The following TMEM40 variants were observed in gnomAD, a reference collection of about 807,000 sequenced individuals.
The protein encoded by TMEM40 is transmembrane protein 40.
TMEM40 carries 34 observed loss-of-function variants against 40.8 expected under a neutral mutation model. The ratio of observed to expected loss-of-function variants is 0.83; its 90% CI spans 0.63 to 1.11. The LOEUF is 1.11. TMEM40 is among the 50% of genes least tolerant of loss of function. The pLI is 0.00. For synonymous variants in TMEM40, 106 were observed against 107.0 expected, an observed-to-expected ratio of 0.99 and a Z score of 0.06; for missense variants, 296 against 280.2, an observed-to-expected ratio of 1.06 and a Z score of -0.40.
At chr3:12,741,454 T>C (rs1232326879) in intron 5 of TMEM40, 1 of 152,238 alleles carries the variant, frequency 6.6e-6, no homozygotes, top group East Asian at 1.9e-4. Flanking sequence ...CTCAGCACAC[T>C]GAACACTATA....
At chr3:12,753,281 C>T (rs527917556) in intron 1 of TMEM40, among the ~76,000 whole-genome samples, 256 of 137,504 alleles carry the variant, frequency 1.9e-3, no homozygotes, top group Admixed American at 4.8e-3. Context: ...TGCAGTGGCA[C>T]GATCACGGCT....
chr3:12,759,166 C>A, intron 1 of TMEM40, 25 bp downstream of exon 1: 1 of 152,802 alleles, frequency 6.5e-6, no homozygotes, highest in Non-Finnish European at 1.5e-5. Context: ...CACCCCACTG[C>A]TCACCCAGCC....
chr3:12,768,990 C>T (rs1661914502), intron 1 of TMEM40, among the ~76,000 whole-genome samples: 1 of 151,144 alleles, frequency 6.6e-6, no homozygotes, highest in Admixed American at 6.6e-5. Context: ...GCAAGGCGCA[C>T]TGCAGGTCCT....
intron 4 of TMEM40, 105 bp from the exon 5 acceptor site, chr3:12,742,612 C>G (rs2061392908): frequency 7.3e-7 from 1 of 1,366,504 alleles, no homozygotes; most frequent in South Asian, 1.3e-5. Context: ...AGTCCTTGTG[C>G]TGGAGGTGAG....
In TMEM40 at chr3:12,733,964, G is replaced by T. The variant is rs2061319222; in HGVS notation, c.*810C>A. 6.6e-6 allele frequency: 1 copy of T among 150,538 alleles called. No individual in the cohort carries two copies. The highest frequency in any genetic ancestry group is 6.6e-5 in the Admixed American group (1 of 15,082). 9.3% of individuals were successfully genotyped at this position (150,538 alleles called of 1,614,324 possible). On this transcript the variant is annotated 3_prime_UTR_variant, in exon 12 of 12. Coordinates refer to ENST00000314124, the MANE Select transcript of TMEM40 (RefSeq NM_018306.4). ...CTGTCGCCCAGGCTGGAGTGCAGTG[G>T]CTTGATCGTACCTCACTGCAGCCCT...
intron 4 of TMEM40, 59 bp downstream of exon 4, chr3:12,743,841 C>T (rs552163299): frequency 4.3e-5 from 66 of 1,529,762 alleles, no homozygotes; most frequent in Middle Eastern, 1.7e-4. Flanking sequence ...TTCAGTCCCA[C>T]GGAGAAACTC....
chr3:12,738,501 A>G, intron 6 of TMEM40, 52 bp downstream of exon 6: 1 of 1,601,464 alleles, frequency 6.2e-7, no homozygotes, highest in Non-Finnish European at 8.6e-7. Flanking sequence ...TGATGCCTAG[A>G]CCTGGCTCAA....
At position 12,736,925 on chromosome 3, in the gene TMEM40, G is replaced by A. The variant is rs915704946; in HGVS notation, c.473-90C>T. 13 of 1,515,598 alleles carry A rather than the reference G, an allele frequency of 8.6e-6. No individual in the cohort carries two copies. In the African/African-American group the frequency reaches 1.6e-4, roughly 19 times the overall value. 93.9% of individuals were successfully genotyped at this position (1,515,598 alleles called of 1,614,324 possible). A position where few individuals can be genotyped will look rare whatever the true frequency, so the allele number is the denominator to read the frequency against. The stretch of plus-strand genomic sequence containing the variant: ...ACAAGGTCTTGCTCTGTCACCCAGG[G>A]TGGAGTGCAGTTGTGCGATCCCAGC... On this transcript the variant is annotated intron_variant, in intron 8 of 11. Transcript: ENST00000314124.
At chr3:12,768,171 C>T (rs532480681) in intron 1 of TMEM40, among the ~76,000 whole-genome samples, 45 of 152,094 alleles carry the variant, frequency 3.0e-4, no homozygotes, top group African/African-American at 9.9e-4. Context: ...GCTCTTAAGG[C>T]GACGCGTCTG....
At chr3:12,737,645 A>G in intron 8 of TMEM40, 62 bp downstream of exon 8, 1 of 1,535,774 alleles carries the variant, frequency 6.5e-7, no homozygotes, top group Non-Finnish European at 9.0e-7. Context: ...CACCAGCTGC[A>G]TTTCACCCCT....
intron 11 of TMEM40, 101 bp from the exon 12 acceptor site, chr3:12,734,894 G>T: frequency 7.2e-7 from 1 of 1,393,462 alleles, no homozygotes; most frequent in Non-Finnish European, 9.9e-7. Context: ...CAGCTGGCAT[G>T]ATGTAGTCAC....
chr3:12,766,139 C>A (rs2061593047), intron 1 of TMEM40, among the ~76,000 whole-genome samples: 1 of 151,718 alleles, frequency 6.6e-6, no homozygotes, highest in South Asian at 2.1e-4. Context: ...GGATTACAGG[C>A]ATGAGCCACT....
upstream of TMEM40, among the ~76,000 whole-genome samples, chr3:12,763,720 G>A (rs1258923814): frequency 6.6e-6 from 1 of 152,050 alleles, no homozygotes. Flanking sequence ...AAGTGGTCAA[G>A]GCAGCGCCTG....
rs538952500 is a variant in TMEM40, at chr3:12,735,865, G to GT, written c.620-249dup. Among the ~76,000 whole-genome samples, 329 of 152,330 alleles carry GT rather than the reference G, an allele frequency of 2.2e-3. 1 individual carries two copies. Among genetic ancestry groups the GT allele is most frequent in the African/African-American group, 7.6e-3 (315 of 41,578 alleles). ...AACTCCATTAACTAACTTGTTTTCAGTATCTGGCTAGTTCTATTTTGTTTG... is the reference window on the plus strand; with the variant it reads ...AACTCCATTAACTAACTTGTTTTCAGTTATCTGGCTAGTTCTATTTTGTTTG... On this transcript the variant is annotated intron_variant, in intron 10 of 11. Transcript: ENST00000314124.
intron 1 of TMEM40, among the ~76,000 whole-genome samples, chr3:12,754,379 G>T (rs60877229): frequency 0.028 from 4,293 of 152,246 alleles, 140 homozygotes; most frequent in East Asian, 0.1. Context: ...TTGGACTCTG[G>T]GTGGAGGCTG....
chr3:12,742,485 G>T lies in TMEM40; in HGVS notation c.324C>A (p.Asp108Glu), dbSNP rs75917614. Residue 108 changes from aspartate (D) to glutamate (E), a missense_variant, in exon 5 of 12, where the codon GAC (aspartate) becomes GAA (glutamate). By Grantham distance (45) the Asp-to-Glu change is conservative. Coordinates refer to ENST00000314124, the MANE Select transcript of TMEM40 (RefSeq NM_018306.4). ...AGAGTTGAAGCTCATCCTTCAAAAC[G>T]TCAGGCTCCCCATGCCCAGGACCTG... ...GSPGPGHGEP[D>E]VLKDELQLYG... 1 of 1,613,892 alleles carries T rather than the reference G, an allele frequency of 6.2e-7. No homozygotes were observed. Among genetic ancestry groups the T allele is most frequent in the African/African-American group, 1.3e-5 (1 of 74,976 alleles).
chr3:12,740,571 G>A (rs1421296459), intron 5 of TMEM40, among the ~76,000 whole-genome samples: 1 of 147,282 alleles, frequency 6.8e-6, no homozygotes, highest in African/African-American at 2.5e-5. Context: ...AAAGCTTTCT[G>A]TGTGGGCCAG....
intron 1 of TMEM40, among the ~76,000 whole-genome samples, chr3:12,754,830 T>G (rs1398574644): frequency 1.3e-5 from 2 of 152,112 alleles, no homozygotes; most frequent in African/African-American, 4.8e-5. Context: ...ACTCCAGGAC[T>G]CCAGGACATG....
rs2061458419 is a variant in TMEM40, at chr3:12,749,741, T to G, written c.73+19A>C. On this transcript the variant is annotated intron_variant, in intron 2 of 11. Coordinates refer to ENST00000314124, the MANE Select transcript of TMEM40 (RefSeq NM_018306.4). ...CTCCCATGTGGTTTTGCCCAGAGGGTCAGAGAAGGCAAACGTACAGTCTAC... is the reference window on the plus strand; with the variant it reads ...CTCCCATGTGGTTTTGCCCAGAGGGGCAGAGAAGGCAAACGTACAGTCTAC... 1 of 1,611,664 alleles carries G rather than the reference T, an allele frequency of 6.2e-7. No individual in the cohort carries two copies. Among genetic ancestry groups the G allele is most frequent in the Non-Finnish European group, 8.5e-7 (1 of 1,179,250 alleles).
Sources: allele counts gnomAD v4.1 joint callset (sites outside exome capture counted in the v4.1 genomes callset), GRCh38; gene constraint gnomAD v4.1.1; transcripts MANE v1.5; gene names NCBI Gene and HGNC (gene_info 2026-07-23, HGNC 2026-07-21).